FBXO33: variants seen among roughly 807,000 people sequenced by gnomAD.
The protein encoded by FBXO33 is F-box only protein 33.
A neutral mutation model predicts 46.3 loss-of-function variants in FBXO33; 22 were observed. The observed-to-expected ratio is 0.48, with a 90% CI of 0.34 to 0.68. The LOEUF (loss-of-function observed/expected upper bound fraction) is 0.68. Ranked by LOEUF, FBXO33 falls within the 30% of genes least tolerant of loss-of-function variation. The pLI, the probability that FBXO33 is intolerant of heterozygous loss-of-function variation, is 0.01. For missense variants in FBXO33, 692 were observed against 708.8 expected, an observed-to-expected ratio of 0.98 and a Z score of 0.27; for synonymous variants, 337 against 291.3, an observed-to-expected ratio of 1.16 and a Z score of -1.60.
chr14:39,399,711 G>C lies in FBXO33; in HGVS notation c.1473C>G (p.Thr491=). 6.2e-7 allele frequency: 1 copy of C among 1,613,890 alleles called. No homozygotes were observed. Among genetic ancestry groups the C allele is most frequent in the Non-Finnish European group, 8.5e-7 (1 of 1,179,880 alleles). ...RGSDLKVLEV[T]EESIDFDQGE... Reference sequence around the variant, plus strand: ...CTTGGTCAAAATCAATGCTTTCTTCGGTGACTTCAAGCACTTTCAGATCAG... The same window carrying C: ...CTTGGTCAAAATCAATGCTTTCTTCCGTGACTTCAAGCACTTTCAGATCAG... Residue 491 remains threonine, a synonymous_variant, in exon 4 of 4, where the codon ACC becomes ACG. Transcript: ENST00000298097.
chr14:39,412,786 C>T (rs1219774849), intron 1 of FBXO33, among the ~76,000 whole-genome samples: 1 of 152,166 alleles, frequency 6.6e-6, no homozygotes, highest in Non-Finnish European at 1.5e-5. Context: ...TTCAAGTTAA[C>T]ATAAAAGTAA....
intron 1 of FBXO33, among the ~76,000 whole-genome samples, chr14:39,421,780 TCAC>T (rs1390344126): frequency 5.1e-4 from 76 of 149,176 alleles, no homozygotes; most frequent in African/African-American, 1.8e-3. Flanking sequence ...TGAGTACAAA[TCAC>T]ACACACACAC....
rs2075556606 is a variant in FBXO33 at position 39,431,809 on chromosome 14, C to A, written c.354G>T (p.Ser118=). Residue 118 remains serine, a synonymous_variant, in exon 1 of 4, where the codon TCG becomes TCT. Transcript: ENST00000298097. ...WPQLRICLRV[S]PAEQPRLEFL... is the part of the protein sequence containing the mutation. ...ATTCCAGCCGAGGCTGCTCCGCGGG[C>A]GAGACGCGGAGGCAGATGCGGAGCT... 2.5e-6 allele frequency: 4 copies of A among 1,610,956 alleles called. No individual in the cohort carries two copies. The highest frequency in any genetic ancestry group is 3.4e-6 in the Non-Finnish European group (4 of 1,179,798).
At chr14:39,419,140 G>A (rs2075466369) in intron 1 of FBXO33, among the ~76,000 whole-genome samples, 1 of 152,184 alleles carries the variant, frequency 6.6e-6, no homozygotes, top group African/African-American at 2.4e-5. Context: ...GTAGAGAATC[G>A]AGGTTTTAAC....
chr14:39,421,547 C>T (rs760545217), intron 1 of FBXO33, among the ~76,000 whole-genome samples: 3 of 151,722 alleles, frequency 2.0e-5, no homozygotes, highest in South Asian at 2.1e-4. Flanking sequence ...TGAGTTTATA[C>T]GAAGCAGAAA....
intron 1 of FBXO33, among the ~76,000 whole-genome samples, chr14:39,411,671 T>C (rs1168336430): frequency 6.6e-6 from 1 of 151,898 alleles, no homozygotes; most frequent in Non-Finnish European, 1.5e-5. Context: ...TACAGGTGCA[T>C]GCCACCATGC....
rs755192995 is a variant in FBXO33 at position 39,431,859 on chromosome 14, G to C, written c.304C>G (p.Leu102Val). Residue 102 changes from leucine to valine, a missense_variant, in exon 1 of 4, where the codon CTC becomes GTC. Around this residue, in one of 3 missense-constraint regions of FBXO33, gnomAD observed 412 missense variants for 370.8 expected, o/e 1.11. Transcript: ENST00000298097. Reference sequence around the variant, plus strand: ...TGGGGCCACAGGGCCGGATAGAAGAGGCACTCACGCCAGTGCGAGCAGGAG... The same window carrying C: ...TGGGGCCACAGGGCCGGATAGAAGACGCACTCACGCCAGTGCGAGCAGGAG... ...SASCSHWREC[L>V]FYPALWPQLR... 3 of 1,591,926 alleles carry C rather than the reference G, an allele frequency of 1.9e-6. No individual in the cohort carries two copies. The South Asian group carries it at 3.3e-5, about 18-fold the overall frequency.
intron 1 of FBXO33, among the ~76,000 whole-genome samples, chr14:39,414,535 G>A (rs959939119): frequency 6.6e-6 from 1 of 152,154 alleles, no homozygotes; most frequent in African/African-American, 2.4e-5. Flanking sequence ...GGTCTATCTG[G>A]GCTCTTGAAG....
At chr14:39,402,751 C>T (rs1049066405) in intron 1 of FBXO33, among the ~76,000 whole-genome samples, 14 of 149,212 alleles carry the variant, frequency 9.4e-5, no homozygotes, top group Admixed American at 5.4e-4. Context: ...AGCGCGATCC[C>T]GGTTCACTGC....
chr14:39,427,114 A>G (rs1011896561), intron 1 of FBXO33, among the ~76,000 whole-genome samples: 1 of 152,260 alleles, frequency 6.6e-6, no homozygotes, highest in Non-Finnish European at 1.5e-5. Flanking sequence ...TAAAATGGAG[A>G]TATTTAATCA....
intron 1 of FBXO33, among the ~76,000 whole-genome samples, chr14:39,414,664 T>C (rs1162203197): frequency 6.6e-6 from 1 of 152,156 alleles, no homozygotes; most frequent in Non-Finnish European, 1.5e-5. Flanking sequence ...CCTAATTTTT[T>C]CTTTCTTTCT....
At chr14:39,413,862 T>C (rs886700254) in intron 1 of FBXO33, among the ~76,000 whole-genome samples, 1 of 152,196 alleles carries the variant, frequency 6.6e-6, no homozygotes, top group Non-Finnish European at 1.5e-5. Context: ...ACAGATGTGC[T>C]ATCATCCACG....
At chr14:39,402,836 C>A (rs1425695107) in intron 1 of FBXO33, among the ~76,000 whole-genome samples, 3 of 152,090 alleles carry the variant, frequency 2.0e-5, no homozygotes, top group African/African-American at 7.2e-5. Context: ...GCGCCCGCCA[C>A]CATGCCCGGC....
At chr14:39,408,815 T>C (rs2075410105) in intron 1 of FBXO33, among the ~76,000 whole-genome samples, 1 of 152,062 alleles carries the variant, frequency 6.6e-6, no homozygotes, top group South Asian at 2.1e-4. Context: ...TCCTGCTGTT[T>C]CCCAGCATGG....
intron 1 of FBXO33, among the ~76,000 whole-genome samples, chr14:39,415,801 G>A (rs961365737): frequency 4.6e-5 from 7 of 151,968 alleles, no homozygotes; most frequent in Non-Finnish European, 7.4e-5. Flanking sequence ...CAAGTAGCTC[G>A]GTTTACAGGT....
chr14:39,429,855 G>C (rs901661962), intron 1 of FBXO33, among the ~76,000 whole-genome samples: 8 of 152,140 alleles, frequency 5.3e-5, no homozygotes, highest in Non-Finnish European at 1.0e-4. Context: ...GGAAGAGAAG[G>C]ACAGGAGAAT....
At chr14:39,405,393 G>C (rs561348063) in intron 1 of FBXO33, among the ~76,000 whole-genome samples, 2 of 152,230 alleles carry the variant, frequency 1.3e-5, no homozygotes, top group African/African-American at 4.8e-5. Flanking sequence ...TGAGGGGACA[G>C]TAGGCAAGAA....
At position 39,432,020 on chromosome 14, in the gene FBXO33, C is replaced by CGCCCCCGCAGTACCCGGAGCA. The variant is rs776264762; in HGVS notation, c.122_142dup (p.Leu41_Gly47dup). On this transcript the variant is annotated inframe_insertion, in exon 1 of 4. Transcript: ENST00000298097. ...CCGCCGCCGGCTGCCGGCTCCCGGC[C>CGCCCCCGCAGTACCCGGAGCA]GCCCCCGCAGTACCCGGAGCAGCCC... 26 of 1,408,088 alleles carry CGCCCCCGCAGTACCCGGAGCA rather than the reference C, an allele frequency of 1.8e-5. 1 individual carries two copies. The highest frequency in any genetic ancestry group is 1.1e-4 in the South Asian group (7 of 66,112). The allele number at this position is 1,408,088 out of a possible 1,614,324, so 87.2% of individuals were successfully genotyped here.
In FBXO33 at chr14:39,402,407, AT is replaced by A. The variant is rs1195477903; in HGVS notation, c.703del (p.Ile235LeufsTer12). On this transcript the variant is annotated frameshift_variant, in exon 2 of 4. Coordinates refer to ENST00000298097, the MANE Select transcript of FBXO33 (RefSeq NM_203301.4). LOFTEE classifies it high-confidence loss of function. ...CATTAACCATATAACTTACTGTTTA[AT>A]TTTTTTGCCATCAGGGTCCACCTTG... ...LSKVDPDGKK[I>X]KQIQQLFEEI... 2.8e-5 allele frequency: 43 copies of A among 1,558,160 alleles called. No homozygotes were observed. Among genetic ancestry groups the A allele is most frequent in the South Asian group, 6.2e-5 (5 of 81,160 alleles).
Sources: allele counts gnomAD v4.1 joint callset (sites outside exome capture counted in the v4.1 genomes callset), GRCh38; gene constraint gnomAD v4.1.1; regional missense constraint gnomAD v4.1.1; transcripts MANE v1.5; gene names NCBI Gene and HGNC (gene_info 2026-07-23, HGNC 2026-07-21).